CENPL: variants seen among roughly 807,000 people sequenced by gnomAD.
The protein encoded by CENPL is interphase centromere complex protein 33.
In CENPL, 20 loss-of-function variants were observed where a neutral mutation model predicts 35.2. The ratio of observed to expected loss-of-function variants is 0.57; its 90% CI spans 0.40 to 0.83. The LOEUF (loss-of-function observed/expected upper bound fraction) is 0.83, where lower values mean the gene tolerates loss of function less well. Among genes scored for constraint, CENPL ranks in the 40% least tolerant of loss-of-function variants. The pLI, the probability that CENPL is intolerant of heterozygous loss-of-function variation, is 0.00. For synonymous variants in CENPL, 140 were observed against 140.6 expected (o/e 1.00, Z 0.03); for missense variants, 363 against 395.8 (o/e 0.92, Z 0.70).
At chr1:173,822,082 C>T (rs988694705) in intron 2 of CENPL, 6 of 152,156 alleles carry the variant, frequency 3.9e-5, no homozygotes, top group Admixed American at 1.3e-4. Context: ...AAATCCAATT[C>T]GTCTCATTCC....
intron 2 of CENPL, among the ~76,000 whole-genome samples, chr1:173,820,360 CA>C (rs78505328): frequency 1.8e-3 from 259 of 140,146 alleles, no homozygotes; most frequent in Admixed American, 1.8e-3. Flanking sequence ...CCCCATCTTT[CA>C]AAAAAAAAAA....
chr1:173,807,790 G>A (rs982827369), intron 3 of CENPL, among the ~76,000 whole-genome samples: 10 of 152,080 alleles, frequency 6.6e-5, no homozygotes, highest in African/African-American at 2.4e-5. Context: ...GAGGCCACTC[G>A]ATCTAAAGTA....
intron 2 of CENPL, among the ~76,000 whole-genome samples, chr1:173,820,713 C>G (rs1315595667): frequency 6.6e-6 from 1 of 152,104 alleles, no homozygotes; most frequent in Non-Finnish European, 1.5e-5. Context: ...TACATCCACA[C>G]CATGTAATAG....
chr1:173,814,516 A>G (rs1431877264), intron 2 of CENPL, among the ~76,000 whole-genome samples: 1 of 152,252 alleles, frequency 6.6e-6, no homozygotes, highest in African/African-American at 2.4e-5. Context: ...ATTAGAACTC[A>G]GGATTAAGAA....
chr1:173,811,840 G>A (rs1650857215), intron 2 of CENPL, among the ~76,000 whole-genome samples: 1 of 152,236 alleles, frequency 6.6e-6, no homozygotes, highest in Non-Finnish European at 1.5e-5. Context: ...CCCATGGAGG[G>A]TGAGCCAAAA....
At chr1:173,820,802 TAA>T (rs2102615529) in intron 2 of CENPL, among the ~76,000 whole-genome samples, 1 of 152,192 alleles carries the variant, frequency 6.6e-6, no homozygotes, top group Admixed American at 6.5e-5. Flanking sequence ...AGGTCACATA[TAA>T]AATTTCATAC....
intron 3 of CENPL, among the ~76,000 whole-genome samples, chr1:173,810,564 G>A (rs1318683923): frequency 6.6e-6 from 1 of 152,106 alleles, no homozygotes; most frequent in Admixed American, 6.6e-5. Context: ...TCAGATTAAA[G>A]GAGGTTAAAA....
Position 173,803,220 on chromosome 1 carries a change from T to A in CENPL, c.706A>T (p.Thr236Ser), listed in dbSNP as rs775277356. 2.5e-6 allele frequency: 4 copies of A among 1,613,804 alleles called. No individual in the cohort carries two copies. The South Asian group carries it at 4.4e-5, about 18-fold the overall frequency. The stretch of plus-strand genomic sequence containing the variant: ...GGTACAGACCAAAGAAATTCAGTAG[T>A]AGCCACATAATGGTCCATTTTGCAT... ...TACKMDHYVA[T>S]TEFLWSVPCS... Residue 236 changes from threonine to serine, a missense_variant, in exon 5 of 6, where the codon ACT (threonine) becomes TCT (serine). Transcript: ENST00000682279.
intron 2 of CENPL, among the ~76,000 whole-genome samples, chr1:173,812,226 C>A (rs1321136765): frequency 1.3e-5 from 2 of 152,266 alleles, no homozygotes; most frequent in Non-Finnish European, 2.9e-5. Context: ...ATAGACTCCA[C>A]CTCTGTGGGC....
chr1:173,816,771 T>C (rs1001756809), intron 2 of CENPL, among the ~76,000 whole-genome samples: 1 of 152,178 alleles, frequency 6.6e-6, no homozygotes, highest in Admixed American at 6.5e-5. Context: ...GACACAGGCA[T>C]GGGCAAGGAC....
intron 2 of CENPL, among the ~76,000 whole-genome samples, chr1:173,817,242 T>G (rs1015766832): frequency 6.6e-6 from 1 of 151,916 alleles, no homozygotes; most frequent in African/African-American, 2.4e-5. Context: ...AGAAAATTTT[T>G]GCAATCTACC....
chr1:173,821,807 T>G (rs1651977517), intron 2 of CENPL: 1 of 74,254 alleles, frequency 1.3e-5, no homozygotes, highest in Non-Finnish European at 2.7e-5. Flanking sequence ...CTTCAGCCTT[T>G]TTTTTTTTTT....
chr1:173,806,729 C>G (rs1340230063), intron 4 of CENPL, among the ~76,000 whole-genome samples: 1 of 151,916 alleles, frequency 6.6e-6, no homozygotes, highest in Non-Finnish European at 1.5e-5. Context: ...TGTCATGTTG[C>G]CCAGGATGGT....
Position 173,803,443 on chromosome 1 carries a change from C to A in CENPL, c.483G>T (p.Trp161Cys). Reference sequence around the variant, plus strand: ...GACTGTCTCCAAATACACAGCAGAACCAGCCAGTCCACAGCACTTTACCTT... The same window carrying A: ...GACTGTCTCCAAATACACAGCAGAAACAGCCAGTCCACAGCACTTTACCTT... ...NREGKVLWTG[W>C]FCCVFGDSLL... The change falls in exon 5 of 6, where the codon TGG becomes TGT. Residue 161 changes from tryptophan (W) to cysteine (C), a missense_variant. Coordinates refer to ENST00000682279, the MANE Select transcript of CENPL (RefSeq NM_001387287.1). 6.2e-7 allele frequency: 1 copy of A among 1,613,586 alleles called. No homozygotes were observed. The highest frequency in any genetic ancestry group is 8.5e-7 in the Non-Finnish European group (1 of 1,179,588).
rs548832684 is a variant in CENPL at position 173,803,567 on chromosome 1, T to C, written c.421-62A>G. ...GTACATTTACTTCTAAATTCCATCT[T>C]CTCAAAATTAGTTCATTAAAAATAA... On this transcript the variant is annotated intron_variant, in intron 4 of 5. Coordinates refer to ENST00000682279, the MANE Select transcript of CENPL (RefSeq NM_001387287.1). The C allele has an allele frequency of 5.6e-6, 8 of 1,432,774 alleles. No individual in the cohort carries two copies. The African/African-American group carries it at 1.1e-4, about 21-fold the overall frequency. The allele number at this position is 1,432,774 out of a possible 1,614,324, so 88.8% of individuals were successfully genotyped here.
At position 173,811,309 on chromosome 1, in the gene CENPL, G is replaced by A. The variant is rs1650801047; in HGVS notation, c.-7-3C>T. 10 of 1,568,352 alleles carry A rather than the reference G, an allele frequency of 6.4e-6. No individual in the cohort carries two copies. The highest frequency in any genetic ancestry group is 5.4e-5 in the African/African-American group (4 of 73,628). Reference sequence around the variant, plus strand: ...CACTGTAAGAATCCATGGTCTGTCTGCATAAGAAGAAACAAAACCAGAATT... The same window carrying A: ...CACTGTAAGAATCCATGGTCTGTCTACATAAGAAGAAACAAAACCAGAATT... On this transcript the variant is annotated splice_polypyrimidine_tract_variant and splice_region_variant and intron_variant, in intron 2 of 5. Coordinates refer to ENST00000682279, the MANE Select transcript of CENPL (RefSeq NM_001387287.1).
At position 173,811,141 on chromosome 1, in the gene CENPL, C is replaced by G; in HGVS notation, c.159G>C (p.Ser53=). The change falls in exon 3 of 6, where the codon TCG becomes TCC. Residue 53 remains serine (S), a synonymous_variant. Coordinates refer to ENST00000682279, the MANE Select transcript of CENPL (RefSeq NM_001387287.1). ...GACACAAAAAGCATACCTGCAACTGCGAACACTGGGGAATTTTCCTTCGAG... is the reference window on the plus strand; with the variant it reads ...GACACAAAAAGCATACCTGCAACTGGGAACACTGGGGAATTTTCCTTCGAG... ...TPPRRKIPQC[S]QLQEDVDPQK... is the part of the protein sequence containing the mutation. The G allele has an allele frequency of 1.2e-6, 2 of 1,611,646 alleles. No individual in the cohort carries two copies. The highest frequency in any genetic ancestry group is 1.7e-6 in the Non-Finnish European group (2 of 1,178,072).
intron 2 of CENPL, chr1:173,822,620 T>C (rs1652063307): frequency 6.6e-6 from 1 of 152,202 alleles, no homozygotes; most frequent in South Asian, 2.1e-4. Flanking sequence ...CAGTAATAAT[T>C]CCATTCTTCC....
rs139873333 is a variant in CENPL, at chr1:173,803,160, T to C, written c.766A>G (p.Ile256Val). The change falls in exon 5 of 6, where the codon ATA becomes GTA. Residue 256 changes from isoleucine (I) to valine (V), a missense_variant. Ile to Val is a conservative substitution (Grantham distance 29). Coordinates refer to ENST00000682279, the MANE Select transcript of CENPL (RefSeq NM_001387287.1). ...SPQSLDISFA[I>V]HPEDAKALWD... ...AGAGCTTTTGCATCCTCTGGATGTA[T>C]TGCGAAAGAAATGTCCAGACTTTGA... is the stretch of plus-strand genomic sequence containing the variant. The C allele has an allele frequency of 1.3e-4, 207 of 1,613,890 alleles. 2 individuals are homozygous for C. In the Middle Eastern group the frequency reaches 4.9e-3, roughly 39 times the overall value.
Sources: allele counts gnomAD v4.1 joint callset (sites outside exome capture counted in the v4.1 genomes callset), GRCh38; gene constraint gnomAD v4.1.1; transcripts MANE v1.5; gene names NCBI Gene and HGNC (gene_info 2026-07-23, HGNC 2026-07-21).